Variants in NFIB observed in about 807,000 individuals in gnomAD.
NFIB encodes nuclear factor I B.
A neutral mutation model predicts 61.5 loss-of-function variants in NFIB; 11 were observed. The ratio of observed to expected loss-of-function variants is 0.18; its 90% CI spans 0.11 to 0.30. The LOEUF is 0.30. Ranked by LOEUF, NFIB falls within the 10% of genes least tolerant of loss-of-function variation. The pLI is 1.00. For missense variants in NFIB, 471 were observed against 608.9 expected (o/e 0.77, Z 2.38); for synonymous variants, 260 against 216.5 (o/e 1.20, Z -1.76).
chr9:14,208,577 C>G (rs532904259), intron 2 of NFIB, among the ~76,000 whole-genome samples: 2 of 133,632 alleles, frequency 1.5e-5, no homozygotes, highest in African/African-American at 5.6e-5. Context: ...TTTTTTTTTT[C>G]CTTAAGGACT....
chr9:14,424,956 T>A, the NFIB span, among the ~76,000 whole-genome samples: 3 of 152,128 alleles, frequency 2.0e-5, no homozygotes, highest in Admixed American at 2.0e-4. Context: ...GGAAAGTGAA[T>A]TGATCAGCTC....
chr9:14,418,593 T>C, the NFIB span, among the ~76,000 whole-genome samples: 2 of 152,206 alleles, frequency 1.3e-5, no homozygotes, highest in Admixed American at 6.5e-5. Context: ...AGTCTGCGTG[T>C]GAGCCCTGTG....
chr9:14,454,904 T>C, the NFIB span, among the ~76,000 whole-genome samples: 3 of 152,278 alleles, frequency 2.0e-5, no homozygotes, highest in African/African-American at 7.2e-5. Flanking sequence ...CACCAGCATA[T>C]CCCAGATAGG....
intron 2 of NFIB, among the ~76,000 whole-genome samples, chr9:14,246,116 G>C (rs765364322): frequency 4.6e-5 from 7 of 151,460 alleles, no homozygotes; most frequent in Non-Finnish European, 8.8e-5. Context: ...ATCAGGGACA[G>C]CGTGGGTTAG....
rs1219205736 is a variant in NFIB at position 14,083,546 on chromosome 9, C to A, written c.*4763G>T. The A allele has an allele frequency of 4.5e-6, 1 of 219,904 alleles. No homozygotes were observed. Among genetic ancestry groups the A allele is most frequent in the African/African-American group, 2.3e-5 (1 of 43,830 alleles). 13.6% of individuals were successfully genotyped at this position (219,904 alleles called of 1,614,324 possible). A position where few individuals can be genotyped will look rare whatever the true frequency, so the allele number is the denominator to read the frequency against. On this transcript the variant is annotated 3_prime_UTR_variant, in exon 11 of 11. Transcript: ENST00000380953. ...TTCTTAAAGTCCAGAAAGCATGCAG[C>A]TGGTTAATGTTAACAAAAGACCTTG...
At chr9:14,445,022 T>C in the NFIB span, among the ~76,000 whole-genome samples, 9 of 152,210 alleles carry the variant, frequency 5.9e-5, no homozygotes, top group Admixed American at 1.3e-4. Context: ...TGTGGCTCGC[T>C]TTCTATACTC....
At chr9:14,210,229 A>G (rs1473414086) in intron 2 of NFIB, among the ~76,000 whole-genome samples, 7 of 152,206 alleles carry the variant, frequency 4.6e-5, no homozygotes, top group African/African-American at 7.2e-5. Flanking sequence ...GAAAACTTGA[A>G]TGAAACTAAA....
chr9:14,113,791 G>A (rs1371617480), intron 9 of NFIB, among the ~76,000 whole-genome samples: 1 of 152,128 alleles, frequency 6.6e-6, no homozygotes, highest in Non-Finnish European at 1.5e-5. Flanking sequence ...TTGGCCACTA[G>A]GTAGTAAGTA....
At chr9:14,530,069 A>G in the NFIB span, among the ~76,000 whole-genome samples, 1 of 152,200 alleles carries the variant, frequency 6.6e-6, no homozygotes, top group South Asian at 2.1e-4. Flanking sequence ...AATTGTAGAG[A>G]GTAAACCTTT....
chr9:14,252,967 AAGGG>A (rs373082936), intron 2 of NFIB, among the ~76,000 whole-genome samples: 3 of 137,244 alleles, frequency 2.2e-5, no homozygotes, highest in East Asian at 2.6e-4. Context: ...GGAAGGAAGG[AAGGG>A]AGGGAGGGAG....
intron 1 of NFIB, among the ~76,000 whole-genome samples, chr9:14,380,811 C>A (rs953167471): frequency 2.0e-5 from 3 of 152,094 alleles, no homozygotes; most frequent in Admixed American, 6.5e-5. Context: ...GTCTCAGTGA[C>A]TGCACAAAGC....
chr9:14,176,691 C>G (rs1203192685), intron 3 of NFIB, among the ~76,000 whole-genome samples: 1 of 152,056 alleles, frequency 6.6e-6, no homozygotes, highest in Admixed American at 6.6e-5. Flanking sequence ...CTGTAGATGT[C>G]CATACTATAG....
intron 2 of NFIB, among the ~76,000 whole-genome samples, chr9:14,198,056 T>C (rs2048644319): frequency 2.0e-5 from 3 of 152,222 alleles, no homozygotes; most frequent in Non-Finnish European, 1.5e-5. Flanking sequence ...CTATATTCAT[T>C]ACCAACAGCC....
intron 1 of NFIB, chr9:14,322,293 G>A: frequency 2.9e-6 from 1 of 341,794 alleles, no homozygotes; most frequent in East Asian, 4.8e-5. Context: ...CGCCGTCCAG[G>A]ATGGTGTGTG....
At chr9:14,346,980 C>A (rs56278142) in intron 1 of NFIB, among the ~76,000 whole-genome samples, 5,824 of 151,958 alleles carry the variant, frequency 0.038, 181 homozygotes, top group African/African-American at 0.081. Context: ...AGCCTCACAA[C>A]AGGACCTAGG....
intron 1 of NFIB, among the ~76,000 whole-genome samples, chr9:14,331,980 C>T (rs1021809992): frequency 2.0e-5 from 3 of 152,154 alleles, no homozygotes; most frequent in Non-Finnish European, 4.4e-5. Flanking sequence ...TGACCAGACT[C>T]CAAGCCTCTC....
the NFIB span, among the ~76,000 whole-genome samples, chr9:14,418,009 C>A: frequency 6.6e-6 from 1 of 151,986 alleles, no homozygotes; most frequent in Non-Finnish European, 1.5e-5. Flanking sequence ...GAACTCCTGA[C>A]CTCAGGTGAT....
the NFIB span, among the ~76,000 whole-genome samples, chr9:14,492,670 T>C: frequency 6.6e-6 from 1 of 152,096 alleles, no homozygotes; most frequent in African/African-American, 2.4e-5. Context: ...TGTTAACCCA[T>C]TCATGAAGGA....
the NFIB span, among the ~76,000 whole-genome samples, chr9:14,467,627 T>A: frequency 2.6e-5 from 4 of 152,234 alleles, no homozygotes; most frequent in Non-Finnish European, 5.9e-5. Context: ...TCAATATGTA[T>A]TTATTCACTC....
Sources: gnomAD v4.1 joint callset for allele counts (sites outside exome capture counted in the v4.1 genomes callset) on GRCh38, gnomAD v4.1.1 for gene constraint, MANE v1.5 for transcripts, NCBI Gene and HGNC (gene_info 2026-07-23, HGNC 2026-07-21) for gene names.